UBE2QL1: variants seen among roughly 807,000 people sequenced by gnomAD.
UBE2QL1 encodes the protein ubiquitin conjugating enzyme E2 QL1.
A neutral mutation model predicts 12.6 loss-of-function variants in UBE2QL1; 5 were observed. The ratio of observed to expected loss-of-function variants is 0.40; its 90% CI spans 0.21 to 0.83. The LOEUF (loss-of-function observed/expected upper bound fraction) is 0.83. Ranked by LOEUF, UBE2QL1 falls within the 40% of genes least tolerant of loss-of-function variation. The pLI is 0.37. For synonymous variants in UBE2QL1, 96 were observed against 94.5 expected, an observed-to-expected ratio of 1.02 and a Z score of -0.10; for missense variants, 99 against 222.6, an observed-to-expected ratio of 0.44 and a Z score of 3.53.
rs73739325 is a variant in UBE2QL1 at position 6,477,613 on chromosome 5, G to A, written c.355-13605G>A. The stretch of plus-strand genomic sequence containing the variant: ...ATTTAGGCAGAAAGTTGATGAGCTG[G>A]ATCTTACAACATCCACATGGAGACA... On this transcript the variant is annotated intron_variant, in intron 1 of 1. Coordinates refer to ENST00000399816, the MANE Select transcript of UBE2QL1 (RefSeq NM_001145161.3). Among the ~76,000 whole-genome samples the A allele has an allele frequency of 4.3e-3, 657 of 152,348 alleles. 6 individuals carry two copies. The highest frequency in any genetic ancestry group is 0.015 in the African/African-American group (624 of 41,590).
At chr5:6,460,294 G>T (rs549612318) in intron 1 of UBE2QL1, among the ~76,000 whole-genome samples, 1 of 152,346 alleles carries the variant, frequency 6.6e-6, no homozygotes, top group East Asian at 1.9e-4. Context: ...CGTGTTCCTT[G>T]CATAGGTAAG....
intron 1 of UBE2QL1, among the ~76,000 whole-genome samples, chr5:6,465,585 G>A (rs1739768178): frequency 6.6e-6 from 1 of 152,212 alleles, no homozygotes; most frequent in Non-Finnish European, 1.5e-5. Flanking sequence ...GGGGTGGAGG[G>A]CGCTTTGCAC....
chr5:6,449,238 C>A lies in UBE2QL1; in HGVS notation c.345C>A (p.Val115=), dbSNP rs1012449377. 1.0e-5 allele frequency: 15 copies of A among 1,439,484 alleles called. No homozygotes were observed. The African/African-American group carries it at 1.2e-4, about 11-fold the overall frequency. The allele number at this position is 1,439,484 out of a possible 1,614,324, so 89.2% of individuals were successfully genotyped here. Reference sequence around the variant, plus strand: ...TGCGCCAGTTCGCAGCCAGCCTGGTCAAGGGCCAGGTAAGGCGAGCGCGCC... The same window carrying A: ...TGCGCCAGTTCGCAGCCAGCCTGGTAAAGGGCCAGGTAAGGCGAGCGCGCC... ...AVMRQFAASL[V]KGQGRICRKA... The change falls in exon 1 of 2, where the codon GTC becomes GTA. Residue 115 remains valine (V), a synonymous_variant. Transcript: ENST00000399816.
At chr5:6,463,683 A>C (rs1739724936) in intron 1 of UBE2QL1, among the ~76,000 whole-genome samples, 1 of 149,906 alleles carries the variant, frequency 6.7e-6, no homozygotes, top group African/African-American at 2.4e-5. Flanking sequence ...GCTGGAGTGC[A>C]GTGGCGCGAT....
chr5:6,490,267 T>G (rs1734543300), intron 1 of UBE2QL1, among the ~76,000 whole-genome samples: 1 of 152,244 alleles, frequency 6.6e-6, no homozygotes, highest in Non-Finnish European at 1.5e-5. Flanking sequence ...TCACCCCGAC[T>G]CCTGGTTGTC....
intron 1 of UBE2QL1, among the ~76,000 whole-genome samples, chr5:6,487,019 A>G (rs57392192): frequency 0.019 from 2,887 of 152,306 alleles, 82 homozygotes; most frequent in African/African-American, 0.063. Context: ...TTATCCGCCC[A>G]CAGTGGACTC....
intron 1 of UBE2QL1, among the ~76,000 whole-genome samples, chr5:6,482,036 G>C (rs1370152181): frequency 6.6e-6 from 1 of 152,212 alleles, no homozygotes; most frequent in Non-Finnish European, 1.5e-5. Context: ...GTCTTGCTGG[G>C]TTAGGGTGGT....
intron 1 of UBE2QL1, among the ~76,000 whole-genome samples, chr5:6,455,422 C>T (rs1008381707): frequency 6.6e-6 from 1 of 152,136 alleles, no homozygotes; most frequent in Non-Finnish European, 1.5e-5. Context: ...TTTTGAGCCC[C>T]ACTTTGGAGC....
At chr5:6,455,202 G>A (rs1739494684) in intron 1 of UBE2QL1, among the ~76,000 whole-genome samples, 1 of 152,150 alleles carries the variant, frequency 6.6e-6, no homozygotes, top group Non-Finnish European at 1.5e-5. Context: ...TTAGTGGAAT[G>A]TGCCCATGTG....
intron 1 of UBE2QL1, among the ~76,000 whole-genome samples, chr5:6,456,514 A>G (rs4701734): frequency 0.5 from 75,434 of 152,104 alleles, 20,235 homozygotes; most frequent in Non-Finnish European, 0.61. Context: ...AAATGTTTCC[A>G]GTAATGTCTA....
chr5:6,492,428 TC>T lies in UBE2QL1; in HGVS notation c.*1084del, dbSNP rs11320965. On this transcript the variant is annotated 3_prime_UTR_variant, in exon 2 of 2. Transcript: ENST00000399816. ...GGTGTAAACTTCCTGTTATTTAATCTCCCCCACGGTTTCATTTTTCTCTTCT... is the reference window on the plus strand; with the variant it reads ...GGTGTAAACTTCCTGTTATTTAATCTCCCCACGGTTTCATTTTTCTCTTCT... The T allele has an allele frequency of 0.29, 43,870 of 152,036 alleles. 11,145 individuals are homozygous for T. The highest frequency in any genetic ancestry group is 0.69 in the African/African-American group (28,554 of 41,444). The allele number at this position is 152,036 out of a possible 1,614,324, so 9.4% of individuals were successfully genotyped here.
In UBE2QL1 at chr5:6,496,430, T is replaced by C. The variant is rs1268034195; in HGVS notation, c.*5081T>C. 1.3e-5 allele frequency among the ~76,000 whole-genome samples: 2 copies of C among 152,224 alleles called. No individual in the cohort carries two copies. Among genetic ancestry groups the C allele is most frequent in the Admixed American group, 6.5e-5 (1 of 15,284 alleles). ...CATTTCATGAATGTGGTTGCCATTA[T>C]GACAGTGCTAGGATGCTGATCTGTA... On this transcript the variant is annotated 3_prime_UTR_variant, in exon 2 of 2. Transcript: ENST00000399816.
At chr5:6,490,221 G>T (rs1440353997) in intron 1 of UBE2QL1, among the ~76,000 whole-genome samples, 1 of 152,216 alleles carries the variant, frequency 6.6e-6, no homozygotes, top group African/African-American at 2.4e-5. Flanking sequence ...GAGGCTGGAA[G>T]TGTGAGAGCT....
At position 6,478,787 on chromosome 5, in the gene UBE2QL1, C is replaced by T. The variant is rs1043153394; in HGVS notation, c.355-12431C>T. ...GCAGACCACAGGCAAGGGCTTAGGG[C>T]TGCAGGTGGATGATCTCCTGCGCAC... is the stretch of plus-strand genomic sequence containing the variant. On this transcript the variant is annotated intron_variant, in intron 1 of 1. Coordinates refer to ENST00000399816, the MANE Select transcript of UBE2QL1 (RefSeq NM_001145161.3). This position sits in a 1 kb window ranked among gnomAD's most constrained non-coding sequence, Gnocchi z 4.5. Among the ~76,000 whole-genome samples, 2 of 152,178 alleles carry T rather than the reference C, an allele frequency of 1.3e-5. No homozygotes were observed. The highest frequency in any genetic ancestry group is 2.9e-5 in the Non-Finnish European group (2 of 68,034).
At chr5:6,459,481 G>A (rs781641591) in intron 1 of UBE2QL1, among the ~76,000 whole-genome samples, 29 of 152,054 alleles carry the variant, frequency 1.9e-4, no homozygotes, top group Non-Finnish European at 1.5e-5. Context: ...CAAACCCCTC[G>A]AAGCCACCTG....
At chr5:6,460,071 G>T (rs1739618647) in intron 1 of UBE2QL1, among the ~76,000 whole-genome samples, 1 of 152,176 alleles carries the variant, frequency 6.6e-6, no homozygotes, top group South Asian at 2.1e-4. Flanking sequence ...AGCCCAACAG[G>T]TGTCTCAGTT....
At chr5:6,463,501 TCAC>T (rs1486418177) in intron 1 of UBE2QL1, among the ~76,000 whole-genome samples, 1 of 151,882 alleles carries the variant, frequency 6.6e-6, no homozygotes, top group Admixed American at 6.6e-5. Flanking sequence ...GATTTTTTGA[TCAC>T]CACCCCCTCC....
intron 1 of UBE2QL1, among the ~76,000 whole-genome samples, chr5:6,451,120 T>C: frequency 6.6e-6 from 1 of 152,236 alleles, no homozygotes; most frequent in Non-Finnish European, 1.5e-5. Context: ...GGAAGAGGAA[T>C]GTGTATTCCC....
At chr5:6,482,682 G>C (rs272459) in intron 1 of UBE2QL1, among the ~76,000 whole-genome samples, 32,878 of 152,154 alleles carry the variant, frequency 0.22, 4,134 homozygotes, top group East Asian at 0.35. Flanking sequence ...CTCGGGAGAG[G>C]GGTACTAATG....
Sources: gnomAD v4.1 joint callset for allele counts (sites outside exome capture counted in the v4.1 genomes callset) on GRCh38, gnomAD v4.1.1 for gene constraint, Gnocchi (gnomAD v3.1) non-coding constraint, MANE v1.5 for transcripts, NCBI Gene and HGNC (gene_info 2026-07-23, HGNC 2026-07-21) for gene names.